SPATA16: variants seen among roughly 807,000 people sequenced by gnomAD.
SPATA16 encodes spermatogenesis associated 16, also known as spermatogenesis-associated protein 16.
In SPATA16, 36 loss-of-function variants were observed where a neutral mutation model predicts 63.3. The ratio of observed to expected loss-of-function variants is 0.57; its 90% CI spans 0.44 to 0.75. SPATA16 has a LOEUF of 0.75. Among genes scored for constraint, SPATA16 ranks in the 30% least tolerant of loss-of-function variants. The pLI is 0.00. For missense variants in SPATA16, 646 were observed against 679.3 expected (o/e 0.95, Z 0.54); for synonymous variants, 203 against 216.7 (o/e 0.94, Z 0.56).
chr3:172,985,638 T>C (rs952629471), intron 4 of SPATA16, among the ~76,000 whole-genome samples: 2 of 152,200 alleles, frequency 1.3e-5, no homozygotes, highest in Admixed American at 6.5e-5. Flanking sequence ...TTTACTGTAA[T>C]GGAATTTTCA....
intron 9 of SPATA16, among the ~76,000 whole-genome samples, chr3:172,914,218 G>GT (rs1732431274): frequency 1.3e-5 from 2 of 151,894 alleles, no homozygotes; most frequent in African/African-American, 4.8e-5. Flanking sequence ...TTCTTTTACT[G>GT]TTTTTTTCTT....
At chr3:172,981,858 C>A (rs557621434) in intron 4 of SPATA16, among the ~76,000 whole-genome samples, 98 of 152,310 alleles carry the variant, frequency 6.4e-4, no homozygotes, top group African/African-American at 2.3e-3. Context: ...CGGAACACAG[C>A]AATGCTCATT....
intron 4 of SPATA16, among the ~76,000 whole-genome samples, chr3:172,993,536 C>T (rs1323845804): frequency 6.6e-6 from 1 of 151,974 alleles, no homozygotes; most frequent in African/African-American, 2.4e-5. Context: ...CAGCAAGAGC[C>T]AACAGGATAG....
At chr3:172,987,637 GA>G (rs1190286887) in intron 4 of SPATA16, among the ~76,000 whole-genome samples, 1 of 152,198 alleles carries the variant, frequency 6.6e-6, no homozygotes, top group East Asian at 1.9e-4. Context: ...GCTGAAAGGG[GA>G]CAAAAGCTAG....
intron 3 of SPATA16, among the ~76,000 whole-genome samples, chr3:173,023,639 G>A (rs1209649738): frequency 6.6e-6 from 1 of 151,574 alleles, no homozygotes; most frequent in African/African-American, 2.4e-5. Context: ...TTCCCATACA[G>A]GAATGTGGCA....
At chr3:173,121,294 T>C (rs1198552145) in intron 1 of SPATA16, among the ~76,000 whole-genome samples, 1 of 152,146 alleles carries the variant, frequency 6.6e-6, no homozygotes, top group Non-Finnish European at 1.5e-5. Flanking sequence ...TAAAACTCTA[T>C]TTAAATAATC....
intron 6 of SPATA16, among the ~76,000 whole-genome samples, chr3:172,926,885 C>A (rs1369331854): frequency 3.9e-5 from 6 of 152,134 alleles, no homozygotes; most frequent in African/African-American, 1.2e-4. Context: ...GAGAGGTAAG[C>A]CCTCTTCGTT....
intron 2 of SPATA16, among the ~76,000 whole-genome samples, chr3:173,073,853 C>T (rs1227757380): frequency 6.6e-6 from 1 of 152,186 alleles, no homozygotes; most frequent in Non-Finnish European, 1.5e-5. Flanking sequence ...AAGCTGCAGA[C>T]ACTCAACTCC....
intron 6 of SPATA16, among the ~76,000 whole-genome samples, chr3:172,946,087 T>C (rs1320947633): frequency 1.3e-5 from 2 of 152,102 alleles, no homozygotes; most frequent in Non-Finnish European, 2.9e-5. Context: ...TCAGACAACA[T>C]TACCAGACAC....
In SPATA16 at chr3:172,889,503, G is replaced by A. The variant is rs1577078614; in HGVS notation, c.*67C>T. 4 of 1,606,394 alleles carry A rather than the reference G, an allele frequency of 2.5e-6. No homozygotes were observed. Among genetic ancestry groups the A allele is most frequent in the East Asian group, 4.5e-5 (2 of 44,830 alleles). ...TATCCAGCTTCACAGTACTAGGTGG[G>A]CATTGGAGTGGATGCCCTTGCCTCT... On this transcript the variant is annotated 3_prime_UTR_variant, in exon 11 of 11. Coordinates refer to ENST00000351008, the MANE Select transcript of SPATA16 (RefSeq NM_031955.6).
chr3:173,135,857 G>T (rs1738531937), intron 1 of SPATA16, among the ~76,000 whole-genome samples: 1 of 152,168 alleles, frequency 6.6e-6, no homozygotes, highest in Admixed American at 6.5e-5. Context: ...CTGAGAGCTG[G>T]TTACACCAAT....
At chr3:172,918,331 G>C (rs1378819675) in intron 8 of SPATA16, among the ~76,000 whole-genome samples, 1 of 152,194 alleles carries the variant, frequency 6.6e-6, no homozygotes, top group Non-Finnish European at 1.5e-5. Context: ...AACATAATCT[G>C]TCAGTGTAAT....
At chr3:173,106,510 T>C (rs781220661) in intron 2 of SPATA16, among the ~76,000 whole-genome samples, 16 of 152,220 alleles carry the variant, frequency 1.1e-4, no homozygotes, top group Non-Finnish European at 1.5e-4. Context: ...GTTGCTAATG[T>C]AGTAACTACT....
chr3:172,949,101 G>A (rs1733365488), intron 6 of SPATA16, among the ~76,000 whole-genome samples: 2 of 152,140 alleles, frequency 1.3e-5, no homozygotes, highest in Admixed American at 6.6e-5. Flanking sequence ...AGGGTATCTG[G>A]AGAGCTGGTC....
At chr3:172,949,052 G>C (rs185737753) in intron 6 of SPATA16, among the ~76,000 whole-genome samples, 86 of 152,180 alleles carry the variant, frequency 5.7e-4, no homozygotes, top group African/African-American at 2.0e-3. Context: ...ACCTTGGTAG[G>C]GGGTAGGGAG....
intron 3 of SPATA16, among the ~76,000 whole-genome samples, chr3:173,025,866 G>C (rs1258636655): frequency 6.6e-6 from 1 of 151,876 alleles, no homozygotes; most frequent in East Asian, 1.9e-4. Flanking sequence ...ACACTCTGTT[G>C]TTTCTGTTGC....
chr3:172,912,270 C>A (rs575584751), intron 10 of SPATA16, among the ~76,000 whole-genome samples: 1 of 152,294 alleles, frequency 6.6e-6, no homozygotes, highest in South Asian at 2.1e-4. Context: ...TTCCATAGAT[C>A]ATTGAACATC....
intron 10 of SPATA16, among the ~76,000 whole-genome samples, chr3:172,900,690 G>C (rs935583543): frequency 6.6e-6 from 1 of 152,066 alleles, no homozygotes; most frequent in Admixed American, 6.6e-5. Flanking sequence ...GCCCGGGCTG[G>C]AGTGCAATGG....
Position 172,956,721 on chromosome 3 carries a change from G to C in SPATA16, c.1037C>G (p.Ala346Gly). ...RADKIEKVKD[A>G]FTKTHPAYAE... The stretch of plus-strand genomic sequence containing the variant: ...ATATGCAGGATGAGTTTTTGTGAAA[G>C]CATCTTTTACTTTTTCTATTTTATC... The change falls in exon 6 of 11, where the codon GCT becomes GGT. Residue 346 changes from alanine to glycine, a missense_variant. Physicochemically the swap from Ala to Gly is moderately conservative, Grantham distance 60. Coordinates refer to ENST00000351008, the MANE Select transcript of SPATA16 (RefSeq NM_031955.6). The C allele has an allele frequency of 6.2e-7, 1 of 1,612,770 alleles. No homozygotes were observed. The highest frequency in any genetic ancestry group is 8.5e-7 in the Non-Finnish European group (1 of 1,179,426).
Sources: gnomAD v4.1 joint callset for allele counts (sites outside exome capture counted in the v4.1 genomes callset) on GRCh38, gnomAD v4.1.1 for gene constraint, MANE v1.5 for transcripts, NCBI Gene and HGNC (gene_info 2026-07-23, HGNC 2026-07-21) for gene names.